Variants in SBF2 observed in about 807,000 individuals in gnomAD.
SBF2 encodes myotubularin-related protein 13.
A neutral mutation model predicts 225.2 loss-of-function variants in SBF2; 112 were observed. That is an observed-to-expected ratio of 0.50 (90% confidence interval 0.43 to 0.58). The LOEUF is 0.58. Among genes scored for constraint, SBF2 ranks in the 20% least tolerant of loss-of-function variants. The probability of loss-of-function intolerance (pLI) is 0.00; values close to 1 mark genes in which losing one functional copy is unlikely to be tolerated. For synonymous variants in SBF2, 763 were observed against 773.3 expected (o/e 0.99, Z 0.22); for missense variants, 1,996 against 2,206.2 (o/e 0.90, Z 1.91).
At chr11:10,282,109 G>A (rs1963445929) in intron 1 of SBF2, among the ~76,000 whole-genome samples, 1 of 152,074 alleles carries the variant, frequency 6.6e-6, no homozygotes, top group Non-Finnish European at 1.5e-5. Flanking sequence ...AAATCCATAA[G>A]CCTATTTTTA....
At chr11:10,113,422 CTGA>C (rs1379267262) in intron 2 of SBF2, among the ~76,000 whole-genome samples, 3 of 152,094 alleles carry the variant, frequency 2.0e-5, no homozygotes, top group African/African-American at 4.8e-5. Flanking sequence ...CTTGTTTCAT[CTGA>C]TATTTTTCTA....
At chr11:9,964,030 C>T (rs1280528057) in intron 14 of SBF2, 148 bp from the exon 15 acceptor site, 2 of 620,990 alleles carry the variant, frequency 3.2e-6, no homozygotes, top group Non-Finnish European at 2.9e-6. Context: ...GTGGGATGAT[C>T]CCTTGAGCCC....
intron 17 of SBF2, among the ~76,000 whole-genome samples, chr11:9,866,249 A>C (rs1858210749): frequency 6.6e-6 from 1 of 152,206 alleles, no homozygotes; most frequent in African/African-American, 2.4e-5. Context: ...ATGGAAACAC[A>C]TAAGACCCTG....
chr11:9,919,568 T>C (rs1170929366), intron 16 of SBF2, among the ~76,000 whole-genome samples: 1 of 151,964 alleles, frequency 6.6e-6, no homozygotes, highest in Non-Finnish European at 1.5e-5. Flanking sequence ...CACCGGTAAT[T>C]AGGTCGTAAC....
intron 1 of SBF2, among the ~76,000 whole-genome samples, chr11:10,231,517 C>T (rs1458547137): frequency 6.6e-6 from 1 of 152,144 alleles, no homozygotes; most frequent in Non-Finnish European, 1.5e-5. Context: ...TGTTACTTTT[C>T]CTTCTAACAG....
chr11:9,822,464 G>A (rs1294151654), intron 28 of SBF2, among the ~76,000 whole-genome samples: 1 of 152,080 alleles, frequency 6.6e-6, no homozygotes, highest in Admixed American at 6.5e-5. Flanking sequence ...GTTTCACTGT[G>A]TTAGCCAGGA....
intron 1 of SBF2, among the ~76,000 whole-genome samples, chr11:10,289,345 G>A (rs1297081536): frequency 6.6e-6 from 1 of 152,174 alleles, no homozygotes; most frequent in Non-Finnish European, 1.5e-5. Flanking sequence ...GGGAGAACTG[G>A]GTCCACAGCT....
intron 28 of SBF2, chr11:9,828,571 C>T: frequency 1.0e-6 from 1 of 985,442 alleles, no homozygotes; most frequent in South Asian, 4.7e-5. Context: ...GTCACATGCT[C>T]CTGTGTCTAA....
At chr11:10,304,429 C>T (rs1964629171) in intron 1 of SBF2, among the ~76,000 whole-genome samples, 1 of 152,206 alleles carries the variant, frequency 6.6e-6, no homozygotes, top group South Asian at 2.1e-4. Context: ...AGATAATTCC[C>T]CCCTCCAAAT....
intron 2 of SBF2, among the ~76,000 whole-genome samples, chr11:10,092,801 G>A (rs910805613): frequency 6.6e-6 from 1 of 152,130 alleles, no homozygotes; most frequent in African/African-American, 2.4e-5. Context: ...ACCAAAGTGA[G>A]AGAGAAAGAA....
At chr11:10,157,393 GC>G (rs1283426684) in intron 2 of SBF2, among the ~76,000 whole-genome samples, 1 of 152,142 alleles carries the variant, frequency 6.6e-6, no homozygotes, top group Non-Finnish European at 1.5e-5. Context: ...AAAAGCAATT[GC>G]AACAAAAGCA....
At chr11:10,204,325 G>A (rs117411732) in intron 1 of SBF2, among the ~76,000 whole-genome samples, 7 of 151,006 alleles carry the variant, frequency 4.6e-5, no homozygotes, top group Non-Finnish European at 1.0e-4. Flanking sequence ...CTATATAATC[G>A]AATATTATTT....
chr11:10,225,938 A>G (rs1050791842), intron 1 of SBF2, among the ~76,000 whole-genome samples: 7 of 152,324 alleles, frequency 4.6e-5, no homozygotes, highest in African/African-American at 1.7e-4. Context: ...CAAAGTCTTA[A>G]AAAATATTCA....
intron 2 of SBF2, among the ~76,000 whole-genome samples, chr11:10,187,447 TA>T (rs1474438145): frequency 1.3e-5 from 2 of 152,264 alleles, no homozygotes; most frequent in Middle Eastern, 6.8e-3. Context: ...GCCTAGTAGA[TA>T]ACTGCCTGGT....
intron 17 of SBF2, among the ~76,000 whole-genome samples, chr11:9,885,671 T>C (rs1386441863): frequency 1.3e-5 from 2 of 152,318 alleles, no homozygotes; most frequent in Middle Eastern, 3.4e-3. Flanking sequence ...AGGTATACTT[T>C]TGGAAGAAAT....
chr11:10,134,957 G>A lies in SBF2; in HGVS notation c.141+58945C>T, dbSNP rs551921632. Among the ~76,000 whole-genome samples the A allele has an allele frequency of 7.2e-5, 11 of 152,338 alleles. No individual in the cohort carries two copies. In the East Asian group the frequency reaches 1.2e-3, roughly 16 times the overall value. On this transcript the variant is annotated intron_variant, in intron 2 of 39. Transcript: ENST00000256190. ...CTCTGTATGGGGGCTTCAACCCCAC[G>A]TTTCCCTTTTGCACTGCCCTAGCAG...
chr11:9,901,314 T>C (rs1861702542), intron 16 of SBF2, among the ~76,000 whole-genome samples: 1 of 152,256 alleles, frequency 6.6e-6, no homozygotes, highest in South Asian at 2.1e-4. Flanking sequence ...ACTCAAGGGA[T>C]AGGACAAAAA....
intron 16 of SBF2, chr11:9,929,063 G>C (rs1864278417): frequency 2.3e-6 from 1 of 429,058 alleles, no homozygotes; most frequent in South Asian, 2.0e-5. Context: ...AAGGAGAAGA[G>C]GAAGATGAGG....
intron 16 of SBF2, among the ~76,000 whole-genome samples, chr11:9,942,269 G>A (rs1054867619): frequency 1.3e-5 from 2 of 152,306 alleles, no homozygotes; most frequent in African/African-American, 4.8e-5. Flanking sequence ...GTTTCGCCAT[G>A]TTGTCCAAGC....
Sources: allele counts gnomAD v4.1 joint callset (sites outside exome capture counted in the v4.1 genomes callset), GRCh38; gene constraint gnomAD v4.1.1; transcripts MANE v1.5; gene names NCBI Gene and HGNC (gene_info 2026-07-23, HGNC 2026-07-21).